The following PRIM2 variants were observed in gnomAD, a reference collection of about 807,000 sequenced individuals.
PRIM2 encodes the protein DNA primase large subunit.
In PRIM2, 39 loss-of-function variants were observed where a neutral mutation model predicts 67.3. The observed-to-expected ratio is 0.58, with a 90% confidence interval of 0.45 to 0.76. The LOEUF (loss-of-function observed/expected upper bound fraction) is 0.76. Ranked by LOEUF, PRIM2 falls within the 30% of genes least tolerant of loss-of-function variation. The pLI is 0.00. For synonymous variants in PRIM2, 143 were observed against 198.7 expected (o/e 0.72, Z 2.36); for missense variants, 398 against 598.7 (o/e 0.66, Z 3.50).
At chr6:57,439,130 T>G (rs1772110888) in intron 7 of PRIM2, among the ~76,000 whole-genome samples, 1 of 152,204 alleles carries the variant, frequency 6.6e-6, no homozygotes, top group Non-Finnish European at 1.5e-5. Flanking sequence ...GATGAAACTC[T>G]TTATTATTTA....
chr6:57,223,629 G>GA, the PRIM2 span, among the ~76,000 whole-genome samples: 10 of 151,276 alleles, frequency 6.6e-5, no homozygotes, highest in African/African-American at 1.9e-4. Context: ...TCTGAGAAAA[G>GA]AAAAAAAACA....
chr6:57,601,357 A>G lies in PRIM2; in HGVS notation c.1147+138A>G, dbSNP rs1776460860. On this transcript the variant is annotated intron_variant, in intron 11 of 13. Transcript: ENST00000615550. Reference sequence around the variant, plus strand: ...TTATCTCAGTCGTCACTGTCAAGCTAGAGCTCCATTACTCTTAGAACAATT... The same window carrying G: ...TTATCTCAGTCGTCACTGTCAAGCTGGAGCTCCATTACTCTTAGAACAATT... The G allele has an allele frequency of 6.9e-6, 6 of 869,340 alleles. No individual in the cohort carries two copies. In the South Asian group the frequency reaches 8.2e-5, roughly 12 times the overall value. 53.9% of individuals were successfully genotyped at this position (869,340 alleles called of 1,614,324 possible). A position where few individuals can be genotyped will look rare whatever the true frequency, so the allele number is the denominator to read the frequency against.
chr6:57,270,299 T>C, the PRIM2 span, among the ~76,000 whole-genome samples: 1 of 152,170 alleles, frequency 6.6e-6, no homozygotes, highest in African/African-American at 2.4e-5. Flanking sequence ...TATCCTCTTT[T>C]ATTTCATTGA....
chr6:57,520,668 A>AC (rs1774592984), intron 8 of PRIM2, among the ~76,000 whole-genome samples: 1 of 152,222 alleles, frequency 6.6e-6, no homozygotes, highest in Non-Finnish European at 1.5e-5. Context: ...TACAATTTAT[A>AC]CACAAAAAAT....
chr6:57,482,995 C>T (rs1283241383), intron 7 of PRIM2, among the ~76,000 whole-genome samples: 3 of 152,048 alleles, frequency 2.0e-5, no homozygotes, highest in South Asian at 2.1e-4. Context: ...CAGCAGCCTC[C>T]GCCTCCTGGG....
intron 10 of PRIM2, among the ~76,000 whole-genome samples, chr6:57,548,888 A>T (rs1775344008): frequency 6.6e-6 from 1 of 152,164 alleles, no homozygotes; most frequent in South Asian, 2.1e-4. Context: ...AGAGTCTAGA[A>T]TAACACCTTC....
chr6:57,557,844 AT>A (rs1775547479), intron 10 of PRIM2, among the ~76,000 whole-genome samples: 2 of 152,000 alleles, frequency 1.3e-5, no homozygotes, highest in Admixed American at 1.3e-4. Flanking sequence ...TATAACTTGT[AT>A]TTTAATATAA....
intron 8 of PRIM2, among the ~76,000 whole-genome samples, chr6:57,527,192 A>G (rs1554349483): frequency 6.6e-6 from 1 of 152,238 alleles, no homozygotes; most frequent in Non-Finnish European, 1.5e-5. Context: ...GGAAAAAACC[A>G]TTCACCTGGA....
chr6:57,433,180 C>T (rs1771888920), intron 7 of PRIM2, among the ~76,000 whole-genome samples: 1 of 147,742 alleles, frequency 6.8e-6, no homozygotes, highest in Non-Finnish European at 1.5e-5. Context: ...ACATTGCCAA[C>T]CCCAGTGCTA....
chr6:57,309,062 T>C, the PRIM2 span, among the ~76,000 whole-genome samples: 3 of 151,922 alleles, frequency 2.0e-5, no homozygotes, highest in African/African-American at 7.2e-5. Context: ...GTCTCTGGTT[T>C]TCCTAGGCAG....
rs1320247552 is a variant in PRIM2 at position 57,463,617 on chromosome 6, G to A, written c.694-43770G>A. On this transcript the variant is annotated intron_variant, in intron 7 of 13. Transcript: ENST00000615550. The stretch of plus-strand genomic sequence containing the variant: ...AAAAACCATTTTTTAGGAGATGGAG[G>A]GAAGGAGAAATGCCACCAAATGCCT... 5.1e-4 allele frequency among the ~76,000 whole-genome samples: 78 copies of A among 152,266 alleles called. 2 individuals are homozygous for A. The East Asian group carries it at 0.012, about 23-fold the overall frequency.
At chr6:57,247,207 C>A in the PRIM2 span, among the ~76,000 whole-genome samples, 5 of 152,150 alleles carry the variant, frequency 3.3e-5, no homozygotes, top group African/African-American at 1.2e-4. Flanking sequence ...GTCTTTCCTA[C>A]GTGGCTGGGC....
chr6:57,536,844 A>G (rs1228710145), intron 9 of PRIM2, among the ~76,000 whole-genome samples: 2 of 152,242 alleles, frequency 1.3e-5, no homozygotes, highest in African/African-American at 2.4e-5. Flanking sequence ...AGCAGGGTGC[A>G]AAAGATAGAT....
chr6:57,367,911 G>C (rs1359482785), intron 5 of PRIM2, among the ~76,000 whole-genome samples: 1 of 152,192 alleles, frequency 6.6e-6, no homozygotes, highest in Non-Finnish European at 1.5e-5. Context: ...CAGATTCAAG[G>C]GGAGGGCAAA....
intron 10 of PRIM2, among the ~76,000 whole-genome samples, chr6:57,597,000 A>G (rs1776378094): frequency 1.3e-5 from 2 of 151,652 alleles, no homozygotes. Context: ...CCAAACAGCT[A>G]CCGCTTATTT....
At chr6:57,240,108 T>TTG in the PRIM2 span, among the ~76,000 whole-genome samples, 244 of 135,118 alleles carry the variant, frequency 1.8e-3, 1 homozygote, top group Middle Eastern at 0.011. Context: ...TTTTTTTTTT[T>TTG]TTTTTTTTGA....
chr6:57,415,060 G>T (rs1367120503), intron 7 of PRIM2, among the ~76,000 whole-genome samples: 6 of 152,002 alleles, frequency 3.9e-5, no homozygotes, highest in African/African-American at 7.2e-5. Flanking sequence ...TGATGTAAGT[G>T]ACTTATATAC....
chr6:57,369,844 A>G (rs1029184696), intron 5 of PRIM2, among the ~76,000 whole-genome samples: 1 of 152,226 alleles, frequency 6.6e-6, no homozygotes, highest in African/African-American at 2.4e-5. Context: ...AGTTGCAGTA[A>G]ACATTTCACT....
chr6:57,246,548 C>A, the PRIM2 span, among the ~76,000 whole-genome samples: 2 of 152,094 alleles, frequency 1.3e-5, no homozygotes, highest in Admixed American at 6.6e-5. Context: ...TTCAAAACCC[C>A]AGAGCGCACA....
Sources: allele counts gnomAD v4.1 joint callset (sites outside exome capture counted in the v4.1 genomes callset), GRCh38; gene constraint gnomAD v4.1.1; transcripts MANE v1.5; gene names NCBI Gene and HGNC (gene_info 2026-07-23, HGNC 2026-07-21).